ARHGAP15: variants seen among roughly 807,000 people sequenced by gnomAD.
The protein encoded by ARHGAP15 is rho GTPase-activating protein 15.
ARHGAP15 carries 51 observed loss-of-function variants against 63.7 expected under a neutral mutation model. The ratio of observed to expected loss-of-function variants is 0.80; its 90% CI spans 0.64 to 1.01. The LOEUF is 1.01. Among genes scored for constraint, ARHGAP15 ranks in the 50% least tolerant of loss-of-function variants. ARHGAP15 has a pLI of 0.00. For synonymous variants in ARHGAP15, 191 were observed against 193.8 expected (o/e 0.99, Z 0.12); for missense variants, 560 against 564.6 (o/e 0.99, Z 0.08).
intron 6 of ARHGAP15, among the ~76,000 whole-genome samples, chr2:143,318,722 A>G (rs529865462): frequency 3.3e-5 from 5 of 152,210 alleles, no homozygotes; most frequent in African/African-American, 1.2e-4. Flanking sequence ...TGAGGGTTAA[A>G]TGACATAATC....
chr2:143,223,263 C>T (rs765914862), intron 4 of ARHGAP15, among the ~76,000 whole-genome samples: 1 of 152,144 alleles, frequency 6.6e-6, no homozygotes, highest in Admixed American at 6.6e-5. Flanking sequence ...TGTGAGCCAC[C>T]GCACCTGGCC....
intron 9 of ARHGAP15, among the ~76,000 whole-genome samples, chr2:143,514,367 T>C (rs1693714964): frequency 1.3e-5 from 2 of 152,212 alleles, no homozygotes; most frequent in South Asian, 2.1e-4. Context: ...TAAAATTTGG[T>C]AAGGCATAAA....
intron 12 of ARHGAP15, among the ~76,000 whole-genome samples, chr2:143,638,505 G>GT (rs1365038533): frequency 3.9e-5 from 4 of 103,340 alleles, no homozygotes; most frequent in African/African-American, 1.5e-4. Context: ...CTGTGGTGGG[G>GT]TGGGGGGAGG....
In ARHGAP15 at chr2:143,548,392, C is replaced by T. The variant is rs149708263; in HGVS notation, c.926-8016C>T. ...TACATATATATTCCTTTATTATGTG[C>T]TCTTTCGAGGTATTTAATTTAAATC... On this transcript the variant is annotated intron_variant, in intron 10 of 13. Coordinates refer to ENST00000295095, the MANE Select transcript of ARHGAP15 (RefSeq NM_018460.4). Among the ~76,000 whole-genome samples the T allele has an allele frequency of 1.5e-3, 222 of 151,878 alleles. 1 individual carries two copies. The East Asian group carries it at 0.03, about 21-fold the overall frequency.
chr2:143,575,685 G>T (rs1696653511), intron 11 of ARHGAP15, among the ~76,000 whole-genome samples: 2 of 152,234 alleles, frequency 1.3e-5, no homozygotes, highest in South Asian at 2.1e-4. Context: ...GACACATTTT[G>T]TGCAAACTCA....
chr2:143,433,263 G>C (rs1015480429), intron 6 of ARHGAP15, among the ~76,000 whole-genome samples: 1 of 152,048 alleles, frequency 6.6e-6, no homozygotes, highest in Non-Finnish European at 1.5e-5. Flanking sequence ...TGAGTGACTG[G>C]AATAGAGCAG....
chr2:143,397,316 A>ATGTGTGTGTG lies in ARHGAP15; in HGVS notation c.475-38263_475-38254dup, dbSNP rs71411383. 5.4e-3 allele frequency among the ~76,000 whole-genome samples: 793 copies of ATGTGTGTGTG among 147,674 alleles called. 6 individuals are homozygous for ATGTGTGTGTG. The highest frequency in any genetic ancestry group is 0.019 in the African/African-American group (745 of 39,582). ...TGGACAATAATAATATGAGATATGTATGTGTGTGTGTGTGTGTGTGTGTGT... is the reference window on the plus strand; with the variant it reads ...TGGACAATAATAATATGAGATATGTATGTGTGTGTGTGTGTGTGTGTGTGTGTGTGTGTGT... On this transcript the variant is annotated intron_variant, in intron 6 of 13. Transcript: ENST00000295095.
chr2:143,761,741 G>T (rs1574936752), intron 13 of ARHGAP15, among the ~76,000 whole-genome samples: 2 of 151,890 alleles, frequency 1.3e-5, no homozygotes, highest in Admixed American at 6.6e-5. Context: ...CTTTTCCGGG[G>T]GTCCAACATC....
At chr2:143,351,928 G>T (rs960199281) in intron 6 of ARHGAP15, among the ~76,000 whole-genome samples, 8 of 151,972 alleles carry the variant, frequency 5.3e-5, no homozygotes, top group Non-Finnish European at 1.2e-4. Flanking sequence ...TAAATAAAAG[G>T]ATCAGTTCAC....
intron 6 of ARHGAP15, among the ~76,000 whole-genome samples, chr2:143,300,831 G>A (rs992249880): frequency 4.6e-5 from 7 of 151,950 alleles, no homozygotes; most frequent in African/African-American, 1.7e-4. Flanking sequence ...GAGGAATTTG[G>A]CACTCTTGGG....
chr2:143,262,321 A>G (rs1014533278), intron 6 of ARHGAP15, among the ~76,000 whole-genome samples: 3 of 152,124 alleles, frequency 2.0e-5, no homozygotes, highest in Admixed American at 6.5e-5. Context: ...CAATCTCTAC[A>G]AAAGAGCTAA....
chr2:143,763,652 A>G (rs1163497622), intron 13 of ARHGAP15, among the ~76,000 whole-genome samples: 3 of 149,614 alleles, frequency 2.0e-5, no homozygotes, highest in Non-Finnish European at 4.4e-5. Flanking sequence ...TGCAAATTGC[A>G]TATATATAAA....
At chr2:143,219,387 C>A (rs76573967) in intron 4 of ARHGAP15, among the ~76,000 whole-genome samples, 1 of 152,134 alleles carries the variant, frequency 6.6e-6, no homozygotes, top group Non-Finnish European at 1.5e-5. Flanking sequence ...AATCACCTAA[C>A]GACACACTTC....
rs944147984 is a variant in ARHGAP15, at chr2:143,363,909, G to A, written c.475-71692G>A. 7.2e-5 allele frequency among the ~76,000 whole-genome samples: 11 copies of A among 152,088 alleles called. No individual in the cohort carries two copies. The East Asian group carries it at 2.1e-3, about 29-fold the overall frequency. On this transcript the variant is annotated intron_variant, in intron 6 of 13. Coordinates refer to ENST00000295095, the MANE Select transcript of ARHGAP15 (RefSeq NM_018460.4). The stretch of plus-strand genomic sequence containing the variant: ...AGATAAAGGAAATAGCAATTGCATG[G>A]GAAATCAAGTTTGAACAGTGAAACT...
At chr2:143,569,176 A>AG (rs1029215449) in intron 11 of ARHGAP15, among the ~76,000 whole-genome samples, 110 of 152,202 alleles carry the variant, frequency 7.2e-4, no homozygotes, top group Non-Finnish European at 1.4e-3. Context: ...TTAAACAAAA[A>AG]AAAAGCCTAA....
In ARHGAP15 at chr2:143,759,484, TATC is replaced by T. The variant is rs149721578; in HGVS notation, c.1245-8501_1245-8499del. ...TGTAGATACATTATACAAACATTTC[TATC>T]ATCTCTAAATGCCAACAGTGTCATT... On this transcript the variant is annotated intron_variant, in intron 13 of 13. Coordinates refer to ENST00000295095, the MANE Select transcript of ARHGAP15 (RefSeq NM_018460.4). Among the ~76,000 whole-genome samples the T allele has an allele frequency of 2.0e-4, 30 of 152,292 alleles. No individual in the cohort carries two copies. In the East Asian group the frequency reaches 4.6e-3, roughly 24 times the overall value.
intron 5 of ARHGAP15, among the ~76,000 whole-genome samples, chr2:143,232,871 T>C (rs1693501477): frequency 6.6e-6 from 1 of 152,184 alleles, no homozygotes. Context: ...ATTTCTTGCT[T>C]TTTCTGTCCT....
intron 10 of ARHGAP15, among the ~76,000 whole-genome samples, chr2:143,531,127 C>CGTGCGTGCGTGTGCGT (rs58887426): frequency 6.6e-6 from 1 of 151,762 alleles, no homozygotes; most frequent in Non-Finnish European, 1.5e-5. Context: ...TGTGTGTGCG[C>CGTGCGTGCGTGTGCGT]GCATGTGTGT....
At chr2:143,743,035 A>G (rs1274628005) in intron 13 of ARHGAP15, among the ~76,000 whole-genome samples, 1 of 152,194 alleles carries the variant, frequency 6.6e-6, no homozygotes, top group Non-Finnish European at 1.5e-5. Context: ...GTCTAGAGAC[A>G]AGGGATATCT....
Sources: allele counts gnomAD v4.1 joint callset (sites outside exome capture counted in the v4.1 genomes callset), GRCh38; gene constraint gnomAD v4.1.1; transcripts MANE v1.5; gene names NCBI Gene and HGNC (gene_info 2026-07-23, HGNC 2026-07-21).